The following FAF1 variants were observed in gnomAD, a reference collection of about 807,000 sequenced individuals.
The protein encoded by FAF1 is Fas associated factor 1, also known as FAS-associated factor 1.
Under a neutral mutation model 92.5 loss-of-function variants are expected in FAF1, and 25 were observed. The observed-to-expected ratio is 0.27, with a 90% CI of 0.20 to 0.38. FAF1 has a LOEUF of 0.38. Ranked by LOEUF, FAF1 falls within the 10% of genes least tolerant of loss-of-function variation. FAF1 has a pLI of 1.00. For missense variants in FAF1, 636 were observed against 793.3 expected (o/e 0.80, Z 2.38); for synonymous variants, 234 against 273.2 (o/e 0.86, Z 1.42).
At chr1:50,711,493 G>A (rs868265184) in intron 6 of FAF1, among the ~76,000 whole-genome samples, 30 of 113,030 alleles carry the variant, frequency 2.7e-4, no homozygotes, top group South Asian at 2.4e-3. Flanking sequence ...TTTTTGAGAT[G>A]GAGTCTCACT....
intron 15 of FAF1, among the ~76,000 whole-genome samples, chr1:50,512,578 G>A (rs1221909098): frequency 6.6e-6 from 1 of 152,126 alleles, no homozygotes; most frequent in Non-Finnish European, 1.5e-5. Flanking sequence ...CCACTGTTCT[G>A]TTCCATTGGT....
At chr1:50,940,163 C>T (rs1053654439) in intron 1 of FAF1, among the ~76,000 whole-genome samples, 2 of 152,146 alleles carry the variant, frequency 1.3e-5, no homozygotes, top group Non-Finnish European at 2.9e-5. Flanking sequence ...CTGCCCACTT[C>T]GGCACCCCAA....
At chr1:50,600,862 A>G (rs1652085509) in intron 8 of FAF1, among the ~76,000 whole-genome samples, 1 of 152,180 alleles carries the variant, frequency 6.6e-6, no homozygotes, top group Non-Finnish European at 1.5e-5. Context: ...TAAAAATGCT[A>G]TTTATATTAA....
chr1:50,694,897 G>A (rs1270129937), intron 7 of FAF1, among the ~76,000 whole-genome samples: 1 of 151,950 alleles, frequency 6.6e-6, no homozygotes, highest in Admixed American at 6.5e-5. Context: ...AACAGGTGGA[G>A]GTTGCAGGGA....
chr1:50,924,653 G>A (rs1644989785), intron 1 of FAF1, among the ~76,000 whole-genome samples: 1 of 152,150 alleles, frequency 6.6e-6, no homozygotes, highest in African/African-American at 2.4e-5. Flanking sequence ...ATACAGCAGA[G>A]CTATAGTAAC....
At chr1:50,631,321 G>A (rs991000828) in intron 8 of FAF1, among the ~76,000 whole-genome samples, 2 of 152,110 alleles carry the variant, frequency 1.3e-5, no homozygotes, top group African/African-American at 2.4e-5. Flanking sequence ...GTAGCATGAG[G>A]AAATCTTGCA....
At chr1:50,446,990 C>CTTTTTTTTTTTTTTTTTTTTTTTTTTTTG (rs1572746894) in intron 18 of FAF1, among the ~76,000 whole-genome samples, 1 of 151,230 alleles carries the variant, frequency 6.6e-6, no homozygotes, top group Admixed American at 6.6e-5. Context: ...TAATAATTTT[C>CTTTTTTTTTTTTTTTTTTTTTTTTTTTTG]ATAGTAACTC....
chr1:50,691,265 G>C (rs1656910093), intron 7 of FAF1, among the ~76,000 whole-genome samples: 1 of 150,242 alleles, frequency 6.7e-6, no homozygotes, highest in South Asian at 2.1e-4. Flanking sequence ...TTTTTTTCCA[G>C]ACAGTTTCAC....
chr1:50,528,793 C>T (rs1452455484), intron 15 of FAF1, among the ~76,000 whole-genome samples: 1 of 152,152 alleles, frequency 6.6e-6, no homozygotes, highest in Non-Finnish European at 1.5e-5. Flanking sequence ...TCTGCTTCCT[C>T]TAAGACAGCA....
intron 18 of FAF1, among the ~76,000 whole-genome samples, chr1:50,468,487 T>C (rs551794443): frequency 9.2e-4 from 130 of 142,014 alleles, no homozygotes; most frequent in Non-Finnish European, 1.4e-3. Context: ...TGAGATGGAG[T>C]CTCACTCTGT....
intron 2 of FAF1, among the ~76,000 whole-genome samples, chr1:50,841,110 A>C (rs1644251850): frequency 1.3e-5 from 2 of 152,036 alleles, no homozygotes; most frequent in African/African-American, 4.8e-5. Context: ...ACTATGGCCA[A>C]AGATGTGGCG....
intron 3 of FAF1, among the ~76,000 whole-genome samples, chr1:50,796,063 A>C (rs1023645553): frequency 4.6e-5 from 7 of 152,134 alleles, no homozygotes; most frequent in Non-Finnish European, 7.4e-5. Context: ...CAACAACAAA[A>C]AAAAACAAAA....
chr1:50,649,785 CAAAA>C (rs535636319), intron 8 of FAF1, among the ~76,000 whole-genome samples: 2 of 72,952 alleles, frequency 2.7e-5, no homozygotes, highest in Non-Finnish European at 5.8e-5. Context: ...ACTAAAACTA[CAAAA>C]AAAAAAAAAA....
At chr1:50,801,494 T>C (rs1206775508) in intron 3 of FAF1, 137 bp downstream of exon 3, 1 of 489,228 alleles carries the variant, frequency 2.0e-6, no homozygotes, top group African/African-American at 1.9e-5. Context: ...CACATAGAAA[T>C]ATCTGAAAGA....
At chr1:50,555,712 C>G (rs901489191) in intron 13 of FAF1, among the ~76,000 whole-genome samples, 1 of 152,014 alleles carries the variant, frequency 6.6e-6, no homozygotes, top group South Asian at 2.1e-4. Context: ...TCAGATTCCT[C>G]CAAGAACTAA....
At chr1:50,543,933 G>A (rs917303298) in intron 13 of FAF1, among the ~76,000 whole-genome samples, 4 of 152,004 alleles carry the variant, frequency 2.6e-5, no homozygotes, top group Middle Eastern at 3.2e-3. Context: ...ATAATATGGC[G>A]AAAGGTCAAG....
At chr1:50,877,143 T>G (rs1557570829) in intron 1 of FAF1, among the ~76,000 whole-genome samples, 1 of 152,138 alleles carries the variant, frequency 6.6e-6, no homozygotes, top group Non-Finnish European at 1.5e-5. Flanking sequence ...GCACAGGTAG[T>G]GGGGAGAAAG....
chr1:50,794,352 G>A (rs943471750), intron 3 of FAF1, among the ~76,000 whole-genome samples: 2 of 152,198 alleles, frequency 1.3e-5, no homozygotes, highest in Non-Finnish European at 2.9e-5. Context: ...GTAGTACTAC[G>A]ACCACAATCA....
At chr1:50,802,084 T>C (rs1327713328) in intron 2 of FAF1, among the ~76,000 whole-genome samples, 1 of 151,886 alleles carries the variant, frequency 6.6e-6, no homozygotes, top group Non-Finnish European at 1.5e-5. Context: ...TTTCATGTTA[T>C]GATTACTATT....
Sources: allele counts gnomAD v4.1 joint callset (sites outside exome capture counted in the v4.1 genomes callset), GRCh38; gene constraint gnomAD v4.1.1; transcripts MANE v1.5; gene names NCBI Gene and HGNC (gene_info 2026-07-23, HGNC 2026-07-21).